PRKAR2B: variants seen among roughly 807,000 people sequenced by gnomAD.
The protein encoded by PRKAR2B is cAMP-dependent protein kinase type II-beta regulatory subunit.
In PRKAR2B, 14 loss-of-function variants were observed where a neutral mutation model predicts 49.9. The observed-to-expected ratio is 0.28, with a 90% CI of 0.19 to 0.44. The LOEUF is 0.44. Among genes scored for constraint, PRKAR2B ranks in the 20% least tolerant of loss-of-function variants. PRKAR2B has a pLI of 1.00. For missense variants in PRKAR2B, 393 were observed against 537.9 expected, an observed-to-expected ratio of 0.73 and a Z score of 2.67; for synonymous variants, 196 against 197.7, an observed-to-expected ratio of 0.99 and a Z score of 0.07.
At chr7:107,114,296 A>G (rs571342206) in intron 2 of PRKAR2B, among the ~76,000 whole-genome samples, 1 of 151,630 alleles carries the variant, frequency 6.6e-6, no homozygotes, top group South Asian at 2.1e-4. Context: ...CATTACAAAA[A>G]CCAGATTAAA....
intron 5 of PRKAR2B, 120 bp from the exon 6 acceptor site, chr7:107,146,188 A>C (rs1162772870): frequency 9.9e-7 from 1 of 1,011,416 alleles, no homozygotes; most frequent in Admixed American, 2.6e-5. Context: ...CTTTATTGTC[A>C]TCGGAGGGGA....
intron 8 of PRKAR2B, among the ~76,000 whole-genome samples, chr7:107,156,625 G>A (rs1796095128): frequency 6.6e-6 from 1 of 151,998 alleles, no homozygotes; most frequent in South Asian, 2.1e-4. Context: ...CTAACACGTT[G>A]AAACCCCGTC....
At chr7:107,060,128 C>T (rs895757170) in intron 1 of PRKAR2B, among the ~76,000 whole-genome samples, 5 of 151,850 alleles carry the variant, frequency 3.3e-5, no homozygotes, top group African/African-American at 9.7e-5. Flanking sequence ...AAGTATTTAT[C>T]AGTTTTAATT....
At chr7:107,072,501 T>G (rs1225922859) in intron 2 of PRKAR2B, among the ~76,000 whole-genome samples, 2 of 152,064 alleles carry the variant, frequency 1.3e-5, no homozygotes, top group Non-Finnish European at 2.9e-5. Flanking sequence ...AAATGTGGTA[T>G]AAGAAAAAAG....
intron 2 of PRKAR2B, among the ~76,000 whole-genome samples, chr7:107,093,270 GTTTAT>G (rs914957816): frequency 2.0e-5 from 3 of 152,074 alleles, no homozygotes; most frequent in African/African-American, 7.2e-5. Context: ...TGGTGATTCT[GTTTAT>G]TTTTTTGAGG....
intron 3 of PRKAR2B, among the ~76,000 whole-genome samples, chr7:107,125,592 A>G (rs966934476): frequency 6.6e-6 from 1 of 152,198 alleles, no homozygotes; most frequent in Non-Finnish European, 1.5e-5. Context: ...GCTGCAGTAC[A>G]GAGGAGCTGG....
chr7:107,093,005 C>T lies in PRKAR2B; in HGVS notation c.343+22689C>T, dbSNP rs138590842. Among the ~76,000 whole-genome samples, 157 of 152,298 alleles carry T rather than the reference C, an allele frequency of 1.0e-3. 1 individual carries two copies. The highest frequency in any genetic ancestry group is 3.5e-3 in the African/African-American group (146 of 41,562). ...CTTTGGTGACTGGCTTCTTTCACTT[C>T]GTGTAATGTTTTCAAGGTTCATTCA... On this transcript the variant is annotated intron_variant, in intron 2 of 10. Transcript: ENST00000265717.
At chr7:107,117,248 G>C (rs777737191) in intron 2 of PRKAR2B, among the ~76,000 whole-genome samples, 28 of 151,768 alleles carry the variant, frequency 1.8e-4, no homozygotes, top group Non-Finnish European at 3.4e-4. Flanking sequence ...TTCCTTTGTA[G>C]GAGGGCGTTT....
At position 107,153,215 on chromosome 7, in the gene PRKAR2B, C is replaced by A. The variant is rs374686781; in HGVS notation, c.882C>A (p.Thr294=). The A allele has an allele frequency of 7.1e-4, 1,144 of 1,608,290 alleles. 16 individuals are homozygous for A. In the South Asian group the frequency reaches 0.012, roughly 16 times the overall value. ...TGAAAGTAGTAGATGTGATAGGCAC[C>A]AAAGTATACAACGATGGAGAACAAA... ...ERLKVVDVIG[T]KVYNDGEQII... Residue 294 remains threonine (T), a synonymous_variant, in exon 8 of 11, where the codon ACC becomes ACA. Coordinates refer to ENST00000265717, the MANE Select transcript of PRKAR2B (RefSeq NM_002736.3).
In PRKAR2B at chr7:107,095,710, G is replaced by A. The variant is rs188481207; in HGVS notation, c.343+25394G>A. 2.0e-3 allele frequency among the ~76,000 whole-genome samples: 301 copies of A among 152,298 alleles called. 2 individuals are homozygous for A. The highest frequency in any genetic ancestry group is 3.8e-3 in the Admixed American group (58 of 15,292). The stretch of plus-strand genomic sequence containing the variant: ...CTAGTTTATTGAGAGTTTTTAGCAC[G>A]AAGGGCTGTTAAATTTTGTTGAAGG... On this transcript the variant is annotated intron_variant, in intron 2 of 10. Coordinates refer to ENST00000265717, the MANE Select transcript of PRKAR2B (RefSeq NM_002736.3).
chr7:107,056,990 T>C (rs1447707070), intron 1 of PRKAR2B, among the ~76,000 whole-genome samples: 1 of 152,224 alleles, frequency 6.6e-6, no homozygotes, highest in Non-Finnish European at 1.5e-5. Context: ...CCACTAATGC[T>C]GTATGTCATT....
chr7:107,105,087 GT>G (rs1220646761), intron 2 of PRKAR2B, among the ~76,000 whole-genome samples: 2 of 152,272 alleles, frequency 1.3e-5, no homozygotes, highest in South Asian at 4.1e-4. Context: ...GCCCCATTGT[GT>G]TTCTGGTCTC....
At position 107,154,186 on chromosome 7, in the gene PRKAR2B, C is replaced by T. The variant is rs144757260; in HGVS notation, c.918+935C>T. ...AACTAGTAAATAACAAAGCAAAGAG[C>T]ATGTTTTAAATGATTTTTTAAGGTT... On this transcript the variant is annotated intron_variant, in intron 8 of 10. Transcript: ENST00000265717. Among the ~76,000 whole-genome samples the T allele has an allele frequency of 2.3e-4, 35 of 152,194 alleles. No homozygotes were observed. In the East Asian group the frequency reaches 6.8e-3, roughly 29 times the overall value.
Position 107,062,933 on chromosome 7 carries a change from A to G in PRKAR2B, c.308-7348A>G, listed in dbSNP as rs561689908. 5.3e-5 allele frequency among the ~76,000 whole-genome samples: 8 copies of G among 152,276 alleles called. No homozygotes were observed. The South Asian group carries it at 1.2e-3, about 24-fold the overall frequency. ...AGTCAAGCTCTAGTGTTAAAAGTCTATTTTATGTTTTTAGCCAGTACTATA... is the reference window on the plus strand; with the variant it reads ...AGTCAAGCTCTAGTGTTAAAAGTCTGTTTTATGTTTTTAGCCAGTACTATA... On this transcript the variant is annotated intron_variant, in intron 1 of 10. Transcript: ENST00000265717.
At chr7:107,094,900 T>C (rs2116804994) in intron 2 of PRKAR2B, among the ~76,000 whole-genome samples, 1 of 152,336 alleles carries the variant, frequency 6.6e-6, no homozygotes, top group East Asian at 1.9e-4. Flanking sequence ...GCTGTTTTGG[T>C]TACTGTGGCC....
intron 2 of PRKAR2B, among the ~76,000 whole-genome samples, chr7:107,112,994 A>T (rs374061518): frequency 1.3e-5 from 2 of 152,142 alleles, no homozygotes; most frequent in African/African-American, 2.4e-5. Context: ...TTATGGCTAT[A>T]TTTTAGTTCA....
In PRKAR2B at chr7:107,124,772, C is replaced by T. The variant is rs74410910; in HGVS notation, c.396+2768C>T. Among the ~76,000 whole-genome samples the T allele has an allele frequency of 1.3e-3, 196 of 151,868 alleles. 1 individual carries two copies. Among genetic ancestry groups the T allele is most frequent in the African/African-American group, 4.6e-3 (188 of 41,296 alleles). On this transcript the variant is annotated intron_variant, in intron 3 of 10. Coordinates refer to ENST00000265717, the MANE Select transcript of PRKAR2B (RefSeq NM_002736.3). Reference sequence around the variant, plus strand: ...TCTAAGTTAAAACCTTACTTGTTAACTGTTTTTCTAATTTTTTTTTTTTAA... The same window carrying T: ...TCTAAGTTAAAACCTTACTTGTTAATTGTTTTTCTAATTTTTTTTTTTTAA...
chr7:107,122,748 G>A (rs1795411094), intron 3 of PRKAR2B, among the ~76,000 whole-genome samples: 1 of 152,174 alleles, frequency 6.6e-6, no homozygotes. Flanking sequence ...TTCATGTGGA[G>A]AAGCAGCTAC....
At chr7:107,142,578 G>A (rs1364815238) in intron 5 of PRKAR2B, among the ~76,000 whole-genome samples, 3 of 151,980 alleles carry the variant, frequency 2.0e-5, no homozygotes, top group Non-Finnish European at 4.4e-5. Flanking sequence ...CACCCATTTG[G>A]TAGATGAGAA....
Sources: allele counts gnomAD v4.1 joint callset (sites outside exome capture counted in the v4.1 genomes callset), GRCh38; gene constraint gnomAD v4.1.1; transcripts MANE v1.5; gene names NCBI Gene and HGNC (gene_info 2026-07-23, HGNC 2026-07-21).